Variants in RARB observed in about 807,000 individuals in gnomAD.
RARB encodes HBV-activated protein.
Under a neutral mutation model 51.9 loss-of-function variants are expected in RARB, and 17 were observed. The observed-to-expected ratio is 0.33, with a 90% CI of 0.22 to 0.49. The LOEUF (loss-of-function observed/expected upper bound fraction) is 0.49. Among genes scored for constraint, RARB ranks in the 20% least tolerant of loss-of-function variants. The pLI is 0.99. For synonymous variants in RARB, 215 were observed against 195.4 expected, an observed-to-expected ratio of 1.10 and a Z score of -0.84; for missense variants, 369 against 550.8, an observed-to-expected ratio of 0.67 and a Z score of 3.30.
chr3:24,926,447 T>C (rs1695323692), intron 2 of RARB, among the ~76,000 whole-genome samples: 1 of 152,112 alleles, frequency 6.6e-6, no homozygotes, highest in Non-Finnish European at 1.5e-5. Context: ...AGAGAGATTG[T>C]TGACCCGCAA....
intron 5 of RARB, among the ~76,000 whole-genome samples, chr3:25,252,850 G>C (rs573970616): frequency 1.3e-5 from 2 of 152,254 alleles, no homozygotes; most frequent in South Asian, 4.1e-4. Flanking sequence ...CAAAGTGTGA[G>C]TCATGACTTA....
intron 2 of RARB, among the ~76,000 whole-genome samples, chr3:24,862,842 A>G (rs1702779687): frequency 6.6e-6 from 1 of 152,196 alleles, no homozygotes; most frequent in Admixed American, 6.5e-5. Flanking sequence ...AACTAAATGT[A>G]ATAATCAACT....
intron 5 of RARB, among the ~76,000 whole-genome samples, chr3:25,255,460 T>A (rs1702841623): frequency 6.6e-6 from 1 of 152,124 alleles, no homozygotes; most frequent in East Asian, 1.9e-4. Flanking sequence ...TCAGAAAGGG[T>A]ACAATTACAA....
chr3:24,992,215 C>G (rs943286601), intron 2 of RARB, among the ~76,000 whole-genome samples: 1 of 152,024 alleles, frequency 6.6e-6, no homozygotes, highest in South Asian at 2.1e-4. Flanking sequence ...AGTAATCCTG[C>G]GTTTTGAGCT....
rs559288146 is a variant in RARB at position 24,908,245 on chromosome 3, G to A, written c.-380+49493G>A. Among the ~76,000 whole-genome samples the A allele has an allele frequency of 8.5e-4, 130 of 152,224 alleles. 1 individual carries two copies. Among genetic ancestry groups the A allele is most frequent in the South Asian group, 2.1e-3 (10 of 4,820 alleles). The stretch of plus-strand genomic sequence containing the variant: ...ATTGTTAGAGTGATTGATTTAAGGC[G>A]TTCGCTTTCTTAAGTTTCTTTAAAA... On this transcript the variant is annotated intron_variant, in intron 2 of 11. Coordinates refer to the RARB transcript ENST00000383772.
intron 1 of RARB, among the ~76,000 whole-genome samples, chr3:24,836,564 C>T (rs1702348327): frequency 6.6e-6 from 1 of 152,146 alleles, no homozygotes; most frequent in African/African-American, 2.4e-5. Flanking sequence ...AATGGCTTCC[C>T]ATCTCACTCT....
upstream of RARB, among the ~76,000 whole-genome samples, chr3:25,423,379 A>AT (rs558096511): frequency 2.0e-5 from 3 of 152,222 alleles, no homozygotes; most frequent in Non-Finnish European, 4.4e-5. Context: ...ATTCTAACTT[A>AT]TTTTTTAAAT....
intron 5 of RARB, among the ~76,000 whole-genome samples, chr3:25,355,206 G>C (rs1705697334): frequency 6.6e-6 from 1 of 152,128 alleles, no homozygotes; most frequent in Non-Finnish European, 1.5e-5. Context: ...TAACAGTGGA[G>C]ATTCATGTGG....
chr3:25,037,600 A>G (rs1698023958), intron 2 of RARB, among the ~76,000 whole-genome samples: 1 of 152,138 alleles, frequency 6.6e-6, no homozygotes, highest in South Asian at 2.1e-4. Flanking sequence ...ACTTTCATCT[A>G]TTGAATAGGT....
At chr3:24,946,617 C>T (rs749553319) in intron 2 of RARB, among the ~76,000 whole-genome samples, 2 of 151,818 alleles carry the variant, frequency 1.3e-5, no homozygotes, top group Non-Finnish European at 2.9e-5. Context: ...ATAGGTAATC[C>T]TGGCACTTTG....
chr3:24,854,510 T>C (rs1056353797), intron 1 of RARB, among the ~76,000 whole-genome samples: 2 of 152,194 alleles, frequency 1.3e-5, no homozygotes, highest in Non-Finnish European at 2.9e-5. Context: ...CCAATAGCAT[T>C]TCCTTCACCT....
At chr3:25,152,653 T>C (rs997491108) in intron 4 of RARB, among the ~76,000 whole-genome samples, 3 of 152,180 alleles carry the variant, frequency 2.0e-5, no homozygotes, top group African/African-American at 7.2e-5. Context: ...ACATACACAG[T>C]AATACAACCA....
chr3:25,000,056 A>C (rs1163725631), intron 2 of RARB, among the ~76,000 whole-genome samples: 1 of 152,138 alleles, frequency 6.6e-6, no homozygotes, highest in African/African-American at 2.4e-5. Context: ...GTTCAGTGGC[A>C]ACAGAGCTCC....
intron 2 of RARB, among the ~76,000 whole-genome samples, chr3:25,052,184 C>T (rs190265651): frequency 3.9e-5 from 6 of 152,254 alleles, no homozygotes; most frequent in Admixed American, 3.9e-4. Context: ...TACATCCATC[C>T]TGAGGAGAAG....
At chr3:25,304,691 A>G (rs893728370) in intron 5 of RARB, among the ~76,000 whole-genome samples, 1 of 152,178 alleles carries the variant, frequency 6.6e-6, no homozygotes, top group Non-Finnish European at 1.5e-5. Flanking sequence ...CTGGGTTATT[A>G]TAATAGTTAA....
chr3:25,394,623 A>T (rs748555760), intron 5 of RARB, among the ~76,000 whole-genome samples: 1 of 152,066 alleles, frequency 6.6e-6, no homozygotes, highest in Non-Finnish European at 1.5e-5. Flanking sequence ...ATATTTTCCT[A>T]TGGAAGTAAT....
At chr3:25,217,268 C>A (rs1297858816) in intron 5 of RARB, among the ~76,000 whole-genome samples, 1 of 151,994 alleles carries the variant, frequency 6.6e-6, no homozygotes, top group Non-Finnish European at 1.5e-5. Flanking sequence ...CAAAATAAAC[C>A]ATCAATTCCC....
At chr3:25,262,280 C>G (rs572697446) in intron 5 of RARB, among the ~76,000 whole-genome samples, 1 of 152,278 alleles carries the variant, frequency 6.6e-6, no homozygotes, top group East Asian at 1.9e-4. Flanking sequence ...TAACGTTCAG[C>G]CATGATCCCT....
chr3:24,892,665 T>A (rs945389636), intron 2 of RARB, among the ~76,000 whole-genome samples: 1 of 152,170 alleles, frequency 6.6e-6, no homozygotes, highest in Non-Finnish European at 1.5e-5. Flanking sequence ...TCTAGCAGAT[T>A]TATGAAGGAA....
Sources: allele counts gnomAD v4.1 joint callset (sites outside exome capture counted in the v4.1 genomes callset), GRCh38; gene constraint gnomAD v4.1.1; transcripts MANE v1.5; gene names NCBI Gene and HGNC (gene_info 2026-07-23, HGNC 2026-07-21).